Variants in SNX8 observed in about 807,000 individuals in gnomAD.
The protein encoded by SNX8 is sorting nexin-8.
A neutral mutation model predicts 51.6 loss-of-function variants in SNX8; 25 were observed. The ratio of observed to expected loss-of-function variants is 0.48; its 90% CI spans 0.35 to 0.68. SNX8 has a LOEUF of 0.68. SNX8 is among the 30% of genes least tolerant of loss of function. The pLI is 0.00. For synonymous variants in SNX8, 324 were observed against 277.0 expected, an observed-to-expected ratio of 1.17 and a Z score of -1.68; for missense variants, 695 against 624.0, an observed-to-expected ratio of 1.11 and a Z score of -1.21.
intron 1 of SNX8, among the ~76,000 whole-genome samples, chr7:2,280,073 GA>G (rs1198492964): frequency 2.0e-5 from 3 of 152,222 alleles, no homozygotes; most frequent in East Asian, 1.9e-4. Context: ...AGGGAGGAAA[GA>G]AAGAGAAAAA....
At position 2,349,795 on chromosome 7, in the gene SNX8, C is replaced by T. The variant is rs574182860; in HGVS notation, c.-66+4427G>A. Among the ~76,000 whole-genome samples, 80 of 152,156 alleles carry T rather than the reference C, an allele frequency of 5.3e-4. 1 individual carries two copies. Among genetic ancestry groups the T allele is most frequent in the African/African-American group, 1.7e-3 (70 of 41,488 alleles). ...TTGCCCAGGCTGGAGTGCAGTGGCT[C>T]GATCCTGGCTCACTGCAGCCTCAAC... On this transcript the variant is annotated intron_variant, in intron 1 of 5. Coordinates refer to the SNX8 transcript ENST00000435336.
Position 2,264,466 on chromosome 7 carries a change from C to A in SNX8, c.622-8G>T. The A allele has an allele frequency of 6.2e-7, 1 of 1,607,766 alleles. No homozygotes were observed. The highest frequency in any genetic ancestry group is 8.5e-7 in the Non-Finnish European group (1 of 1,178,588). Reference sequence around the variant, plus strand: ...GTCAGCTGGGAGGAAGTCCTGACATCATGATGGGGGGAGAGACACTGTGTT... The same window carrying A: ...GTCAGCTGGGAGGAAGTCCTGACATAATGATGGGGGGAGAGACACTGTGTT... On this transcript the variant is annotated splice_polypyrimidine_tract_variant and splice_region_variant and intron_variant, in intron 5 of 10. Coordinates refer to ENST00000222990, the MANE Select transcript of SNX8 (RefSeq NM_013321.4).
Position 2,278,052 on chromosome 7 carries a change from C to T in SNX8, c.300+48G>A, listed in dbSNP as rs1490214715. ...CCTGCCCTGAGATGTTGAGACGTGA[C>T]CCTTTCTTCCCCCTCCTGCCCCGAC... On this transcript the variant is annotated intron_variant, in intron 2 of 10. Transcript: ENST00000222990. 2.5e-6 allele frequency: 4 copies of T among 1,590,224 alleles called. No homozygotes were observed. In the African/African-American group the frequency reaches 5.3e-5, roughly 21 times the overall value.
chr7:2,308,504 C>T (rs955658141), intron 1 of SNX8, among the ~76,000 whole-genome samples: 2 of 151,608 alleles, frequency 1.3e-5, no homozygotes, highest in Admixed American at 6.6e-5. Flanking sequence ...CCCGACTCTA[C>T]TAAAAATACA....
upstream of SNX8, chr7:2,314,562 C>T: frequency 1.2e-6 from 1 of 842,150 alleles, no homozygotes; most frequent in Non-Finnish European, 1.5e-6. Flanking sequence ...CCCTGCGGGC[C>T]CGCCGCGCTC....
Position 2,303,544 on chromosome 7 carries a change from C to T in SNX8, c.94+10784G>A, listed in dbSNP as rs6966130. 5.5e-3 allele frequency among the ~76,000 whole-genome samples: 833 copies of T among 152,314 alleles called. 4 individuals are homozygous for T. Among genetic ancestry groups the T allele is most frequent in the African/African-American group, 0.019 (791 of 41,572 alleles). On this transcript the variant is annotated intron_variant, in intron 1 of 10. Transcript: ENST00000222990. Reference sequence around the variant, plus strand: ...AAAGGTGGGGAAAAGATTGAGAAATCGGATGGTTGCCGTGTCTGTGTAGAA... The same window carrying T: ...AAAGGTGGGGAAAAGATTGAGAAATTGGATGGTTGCCGTGTCTGTGTAGAA...
chr7:2,325,888 T>A (rs1014159353), intron 1 of SNX8, among the ~76,000 whole-genome samples: 1 of 152,270 alleles, frequency 6.6e-6, no homozygotes, highest in East Asian at 1.9e-4. Context: ...AGGAATGTGT[T>A]CTTGGAAACT....
chr7:2,325,009 A>AT (rs1583113360), intron 1 of SNX8, among the ~76,000 whole-genome samples: 2 of 151,750 alleles, frequency 1.3e-5, no homozygotes. Flanking sequence ...CAGGCTATTT[A>AT]TTTTTTGTAG....
chr7:2,286,114 C>A (rs766659805), intron 1 of SNX8, among the ~76,000 whole-genome samples: 1 of 151,576 alleles, frequency 6.6e-6, no homozygotes, highest in African/African-American at 2.4e-5. Context: ...CAGGTTCAAG[C>A]GATTCTCCTG....
chr7:2,330,898 C>A (rs976824367), intron 1 of SNX8, among the ~76,000 whole-genome samples: 5 of 151,786 alleles, frequency 3.3e-5, no homozygotes, highest in African/African-American at 1.2e-4. Context: ...CAGAAAATTC[C>A]TAGACACCGG....
At chr7:2,318,285 T>G (rs1796785277), upstream of SNX8, among the ~76,000 whole-genome samples, 1 of 152,084 alleles carries the variant, frequency 6.6e-6, no homozygotes, top group Admixed American at 6.6e-5. Flanking sequence ...GCACAGTTGC[T>G]CACACCTGTA....
intron 1 of SNX8, among the ~76,000 whole-genome samples, chr7:2,336,568 C>T (rs1207879447): frequency 6.6e-6 from 1 of 151,826 alleles, no homozygotes; most frequent in Non-Finnish European, 1.5e-5. Context: ...ATTAGCTGGG[C>T]ATGGTGGTGC....
At position 2,267,299 on chromosome 7, in the gene SNX8, GCCCTCT is replaced by G. The variant is rs1187322525; in HGVS notation, c.621+2254_621+2259del. Among the ~76,000 whole-genome samples the G allele has an allele frequency of 1.0e-3, 150 of 145,584 alleles. 1 individual carries two copies. The highest frequency in any genetic ancestry group is 3.8e-3 in the African/African-American group (146 of 38,782). On this transcript the variant is annotated intron_variant, in intron 5 of 10. Coordinates refer to ENST00000222990, the MANE Select transcript of SNX8 (RefSeq NM_013321.4). ...TCTTCAAAGTTAGAAAAATACCTTG[GCCCTCT>G]CCCTCCCCCTCCCCCTCCCCCTCCC...
intron 1 of SNX8, among the ~76,000 whole-genome samples, chr7:2,280,186 G>A (rs1284752940): frequency 6.6e-6 from 1 of 152,138 alleles, no homozygotes; most frequent in Non-Finnish European, 1.5e-5. Flanking sequence ...CGTGCACCCT[G>A]CACAAAGCAG....
intron 1 of SNX8, among the ~76,000 whole-genome samples, chr7:2,329,889 G>A (rs568798782): frequency 9.3e-5 from 14 of 150,878 alleles, no homozygotes; most frequent in Admixed American, 3.3e-4. Flanking sequence ...GTGCAGTGGT[G>A]CGATCTCGGC....
chr7:2,285,304 G>A (rs567399012), intron 1 of SNX8, among the ~76,000 whole-genome samples: 30 of 152,082 alleles, frequency 2.0e-4, no homozygotes, highest in African/African-American at 6.7e-4. Context: ...CAGGAGAATT[G>A]CTTGAACCCG....
At chr7:2,338,676 A>C (rs1245828858) in intron 1 of SNX8, among the ~76,000 whole-genome samples, 2 of 152,102 alleles carry the variant, frequency 1.3e-5, no homozygotes, top group African/African-American at 4.8e-5. Context: ...AATGATTGCT[A>C]ATCTCAAATA....
At chr7:2,314,513 G>A, upstream of SNX8, 2 of 1,117,722 alleles carry the variant, frequency 1.8e-6, no homozygotes, top group Non-Finnish European at 1.1e-6. Flanking sequence ...ACCCCGCCTG[G>A]TCACGCCCCC....
Position 2,289,319 on chromosome 7 carries a change from A to G in SNX8, c.95-11014T>C, listed in dbSNP as rs149627631. On this transcript the variant is annotated intron_variant, in intron 1 of 10. Coordinates refer to ENST00000222990, the MANE Select transcript of SNX8 (RefSeq NM_013321.4). ...ATGTGTGCCTTTCTGTTGGCTCCAT[A>G]ACATATCTACAAGTGAAATTGCTGG... Among the ~76,000 whole-genome samples the G allele has an allele frequency of 6.7e-3, 1,015 of 152,264 alleles. 37 individuals carry two copies. Among genetic ancestry groups the G allele is most frequent in the Admixed American group, 0.06 (912 of 15,282 alleles).
Sources: allele counts gnomAD v4.1 joint callset (sites outside exome capture counted in the v4.1 genomes callset), GRCh38; gene constraint gnomAD v4.1.1; transcripts MANE v1.5; gene names NCBI Gene and HGNC (gene_info 2026-07-23, HGNC 2026-07-21).